ZNF536: variants seen among roughly 807,000 people sequenced by gnomAD.
The protein encoded by ZNF536 is zinc finger protein 536.
Under a neutral mutation model 84.5 loss-of-function variants are expected in ZNF536, and 13 were observed. The observed-to-expected ratio is 0.15, with a 90% CI of 0.10 to 0.24. The LOEUF (loss-of-function observed/expected upper bound fraction) is 0.24, where lower values mean the gene tolerates loss of function less well. Among genes scored for constraint, ZNF536 ranks in the 10% least tolerant of loss-of-function variants. The pLI, the probability that ZNF536 is intolerant of heterozygous loss-of-function variation, is 1.00. For missense variants in ZNF536, 1,536 were observed against 1,747.5 expected (o/e 0.88, Z 2.16); for synonymous variants, 811 against 742.5 (o/e 1.09, Z -1.50).
At chr19:30,535,147 AG>A in intron 3 of ZNF536, 148 bp downstream of exon 3, 1 of 854,922 alleles carries the variant, frequency 1.2e-6, no homozygotes, top group Non-Finnish European at 1.7e-6. Context: ...TGTATGGCTC[AG>A]AAGCGGCCCT....
chr19:30,291,323 A>G (rs1249743169), intron 2 of ZNF536, among the ~76,000 whole-genome samples: 1 of 152,108 alleles, frequency 6.6e-6, no homozygotes, highest in African/African-American at 2.4e-5. Context: ...AAGCATTCCT[A>G]TTTCTCCACA....
intron 2 of ZNF536, among the ~76,000 whole-genome samples, chr19:30,478,850 C>T (rs1035815418): frequency 2.6e-5 from 4 of 152,188 alleles, no homozygotes; most frequent in South Asian, 2.1e-4. Context: ...ACTTAGTGCA[C>T]AGGACCTGCT....
At chr19:30,357,297 C>G (rs1336639032) in intron 3 of ZNF536, among the ~76,000 whole-genome samples, 4 of 152,236 alleles carry the variant, frequency 2.6e-5, no homozygotes, top group East Asian at 1.9e-4. Flanking sequence ...AGCATTGGAG[C>G]AGAAAGAACA....
intron 1 of ZNF536, among the ~76,000 whole-genome samples, chr19:30,645,992 G>T (rs1991817): frequency 0.2 from 29,808 of 152,020 alleles, 3,281 homozygotes; most frequent in South Asian, 0.3. Context: ...AGGACAGCAG[G>T]TCTCAGATCT....
intron 2 of ZNF536, among the ~76,000 whole-genome samples, chr19:30,312,142 T>A (rs942106837): frequency 6.6e-6 from 1 of 152,160 alleles, no homozygotes; most frequent in African/African-American, 2.4e-5. Flanking sequence ...TGCCACGGTT[T>A]TGGACACCTG....
chr19:30,455,823 A>G (rs1047385488), intron 2 of ZNF536, among the ~76,000 whole-genome samples: 1 of 152,242 alleles, frequency 6.6e-6, no homozygotes, highest in Non-Finnish European at 1.5e-5. Flanking sequence ...CTCGAGGTGA[A>G]CATTTTTAAT....
chr19:30,449,259 G>A (rs192412121), intron 2 of ZNF536, among the ~76,000 whole-genome samples: 27 of 152,346 alleles, frequency 1.8e-4, no homozygotes, highest in African/African-American at 6.5e-4. Context: ...AATGCAAAGA[G>A]AAACTGTTTG....
chr19:30,505,944 G>T (rs2055159200), intron 2 of ZNF536, among the ~76,000 whole-genome samples: 1 of 151,992 alleles, frequency 6.6e-6, no homozygotes, highest in Non-Finnish European at 1.5e-5. Flanking sequence ...GGGAGTACAG[G>T]TGTGAGCCAC....
chr19:30,668,882 A>G (rs1468743092), intron 1 of ZNF536, among the ~76,000 whole-genome samples: 2 of 152,150 alleles, frequency 1.3e-5, no homozygotes, highest in African/African-American at 4.8e-5. Context: ...TTTCTGGTTA[A>G]TTAGGAAAGG....
intron 1 of ZNF536, among the ~76,000 whole-genome samples, chr19:30,658,863 C>T (rs1427405556): frequency 6.6e-6 from 1 of 152,166 alleles, no homozygotes; most frequent in Non-Finnish European, 1.5e-5. Flanking sequence ...TTCTTGAATG[C>T]GTACATAAGA....
intron 2 of ZNF536, among the ~76,000 whole-genome samples, chr19:30,343,970 G>T (rs1282295556): frequency 7.2e-5 from 11 of 152,028 alleles, no homozygotes. Flanking sequence ...GTAATAGCTT[G>T]GTGTAACAGT....
chr19:30,347,164 A>C (rs1230485183), intron 2 of ZNF536, among the ~76,000 whole-genome samples: 2 of 151,092 alleles, frequency 1.3e-5, no homozygotes, highest in African/African-American at 4.9e-5. Context: ...GAAAAGTTAG[A>C]CCAAATTCTT....
chr19:30,351,549 A>G (rs893762494), intron 2 of ZNF536, among the ~76,000 whole-genome samples: 4 of 152,260 alleles, frequency 2.6e-5, no homozygotes, highest in Non-Finnish European at 2.9e-5. Context: ...TTGGATCAGT[A>G]TATTACAAGC....
At chr19:30,530,608 A>G (rs1240791798) in intron 2 of ZNF536, among the ~76,000 whole-genome samples, 2 of 152,078 alleles carry the variant, frequency 1.3e-5, no homozygotes, top group South Asian at 2.1e-4. Context: ...CGGCCTCCCA[A>G]AGTTCTGGGA....
intron 1 of ZNF536, among the ~76,000 whole-genome samples, chr19:30,398,212 G>A (rs550096976): frequency 1.1e-3 from 160 of 152,160 alleles, no homozygotes; most frequent in African/African-American, 3.8e-3. Flanking sequence ...TTATGACACA[G>A]AAGTGCTCTT....
chr19:30,326,415 C>T lies in ZNF536; in HGVS notation c.-119-25953C>T, dbSNP rs555047543. Among the ~76,000 whole-genome samples the T allele has an allele frequency of 4.6e-5, 7 of 152,288 alleles. No homozygotes were observed. In the South Asian group the frequency reaches 1.2e-3, roughly 27 times the overall value. The stretch of plus-strand genomic sequence containing the variant: ...GCTAATTTGGGGCTGAGTGTCCTGT[C>T]GAAGCCAGAGCTCTTTAAACAGCAA... On this transcript the variant is annotated intron_variant, in intron 2 of 5. Coordinates refer to the ZNF536 transcript ENST00000585628.
intron 1 of ZNF536, among the ~76,000 whole-genome samples, chr19:30,229,550 C>A (rs2022861593): frequency 6.6e-6 from 1 of 151,602 alleles, no homozygotes; most frequent in East Asian, 1.9e-4. Flanking sequence ...CGCCCACCAC[C>A]CTGAAAGCTG....
intron 2 of ZNF536, among the ~76,000 whole-genome samples, chr19:30,483,043 T>C (rs1267277436): frequency 6.6e-6 from 1 of 152,086 alleles, no homozygotes; most frequent in African/African-American, 2.4e-5. Context: ...GGGACAGGGG[T>C]GCCCCATGTT....
intron 1 of ZNF536, among the ~76,000 whole-genome samples, chr19:30,613,693 A>G (rs1288884684): frequency 2.6e-5 from 4 of 152,212 alleles, no homozygotes; most frequent in African/African-American, 7.2e-5. Context: ...GTACACTTGT[A>G]TAAGAAGAAT....
Sources: allele counts gnomAD v4.1 joint callset (sites outside exome capture counted in the v4.1 genomes callset), GRCh38; gene constraint gnomAD v4.1.1; transcripts MANE v1.5; gene names NCBI Gene and HGNC (gene_info 2026-07-23, HGNC 2026-07-21).